The following IGF1R variants were observed in gnomAD, a reference collection of about 807,000 sequenced individuals.
The protein encoded by IGF1R is insulin-like growth factor 1 receptor.
Under a neutral mutation model 144.6 loss-of-function variants are expected in IGF1R, and 44 were observed. That is an observed-to-expected ratio of 0.30 (90% CI 0.24 to 0.39). IGF1R has a LOEUF of 0.39. IGF1R is among the 10% of genes least tolerant of loss of function. IGF1R has a pLI of 1.00. For synonymous variants in IGF1R, 795 were observed against 722.8 expected, an observed-to-expected ratio of 1.10 and a Z score of -1.60; for missense variants, 1,355 against 1,833.7, an observed-to-expected ratio of 0.74 and a Z score of 4.77.
intron 20 of IGF1R, among the ~76,000 whole-genome samples, chr15:98,949,677 C>T (rs1567218443): frequency 6.6e-6 from 1 of 152,138 alleles, no homozygotes; most frequent in Non-Finnish European, 1.5e-5. Flanking sequence ...GGCAACCCCA[C>T]TTATTTTGAA....
chr15:98,852,918 G>T (rs1381928538), intron 2 of IGF1R, among the ~76,000 whole-genome samples: 4 of 152,154 alleles, frequency 2.6e-5, no homozygotes, highest in Admixed American at 6.5e-5. Flanking sequence ...CTGTTCTCAG[G>T]CTTGTTTTCC....
Position 98,816,060 on chromosome 15 carries a change from A to G in IGF1R, c.641-75265A>G, listed in dbSNP as rs75302098. Among the ~76,000 whole-genome samples, 484 of 152,248 alleles carry G rather than the reference A, an allele frequency of 3.2e-3. 3 individuals are homozygous for G. Among genetic ancestry groups the G allele is most frequent in the African/African-American group, 0.011 (461 of 41,562 alleles). On this transcript the variant is annotated intron_variant, in intron 2 of 20. Coordinates refer to ENST00000650285, the MANE Select transcript of IGF1R (RefSeq NM_000875.5). ...CTCCTTTGACACCAGCCATTTTGTG[A>G]TCTGCCCTTTCAGGCCACCCCAGCC...
chr15:98,888,918 C>T (rs1483711619), intron 2 of IGF1R, among the ~76,000 whole-genome samples: 3 of 152,182 alleles, frequency 2.0e-5, no homozygotes, highest in African/African-American at 4.8e-5. Flanking sequence ...CTTGATGTTT[C>T]GCCTTGTGGT....
intron 19 of IGF1R, among the ~76,000 whole-genome samples, chr15:98,946,629 G>A (rs113836622): frequency 0.018 from 2,743 of 152,282 alleles, 111 homozygotes; most frequent in African/African-American, 0.063. Flanking sequence ...CAGGCAGACT[G>A]CTCGGGTGGA....
chr15:98,650,923 C>CA, intron 1 of IGF1R: 1 of 985,118 alleles, frequency 1.0e-6, no homozygotes, highest in Non-Finnish European at 1.2e-6. Context: ...GGAGCGAGAA[C>CA]TCCCCCCGGT....
intron 2 of IGF1R, among the ~76,000 whole-genome samples, chr15:98,798,814 T>TG (rs1053546731): frequency 2.0e-5 from 3 of 152,104 alleles, no homozygotes; most frequent in African/African-American, 7.2e-5. Flanking sequence ...AGAGCTTATA[T>TG]GGGGGGTGAG....
rs995287825 is a variant in IGF1R, at chr15:98,922,245, G to A, written c.2299G>A (p.Asp767Asn). ...TTAADTYNITDPEELETEYPF... is the reference protein window; with the variant it reads ...TTAADTYNITNPEELETEYPF... ...GGCCGCAGACACCTACAACATCACC[G>A]ACCCGGAAGAGCTGGAGACAGAGTA... The change falls in exon 11 of 21, where the codon GAC (aspartate) becomes AAC (asparagine). Residue 767 changes from aspartate to asparagine, a missense_variant. Around this residue, in one of 7 missense-constraint regions of IGF1R, gnomAD observed 880 missense variants for 1,202.7 expected, o/e 0.73. Transcript: ENST00000650285. The A allele has an allele frequency of 3.7e-6, 6 of 1,614,184 alleles. No individual in the cohort carries two copies. Among genetic ancestry groups the A allele is most frequent in the Non-Finnish European group, 4.2e-6 (5 of 1,180,034 alleles).
chr15:98,917,071 G>A (rs938608305), intron 10 of IGF1R, 195 bp downstream of exon 10: 1 of 663,908 alleles, frequency 1.5e-6, no homozygotes, highest in Non-Finnish European at 2.7e-6. Flanking sequence ...GAAGGGAACA[G>A]GGACCAGGGC....
chr15:98,857,643 G>C (rs907607953), intron 2 of IGF1R, among the ~76,000 whole-genome samples: 2 of 152,212 alleles, frequency 1.3e-5, no homozygotes, highest in African/African-American at 2.4e-5. Context: ...TCCAGTACAG[G>C]AGCCGCTAGC....
intron 2 of IGF1R, among the ~76,000 whole-genome samples, chr15:98,761,746 G>T (rs2048640): frequency 2.0e-5 from 3 of 152,204 alleles, no homozygotes; most frequent in Non-Finnish European, 4.4e-5. Flanking sequence ...GCCTCTGTAA[G>T]TATCTCCATA....
chr15:98,872,906 G>T (rs2012861405), intron 2 of IGF1R, among the ~76,000 whole-genome samples: 1 of 151,520 alleles, frequency 6.6e-6, no homozygotes, highest in African/African-American at 2.4e-5. Context: ...AGCCAGGCTG[G>T]CATATAAATG....
chr15:98,853,090 C>G (rs899293092), intron 2 of IGF1R, among the ~76,000 whole-genome samples: 1 of 152,136 alleles, frequency 6.6e-6, no homozygotes, highest in Non-Finnish European at 1.5e-5. Flanking sequence ...GGGTGGTTTT[C>G]TCGTTATTGT....
rs1338803939 is a variant in IGF1R, at chr15:98,896,943, C to T, written c.1102+38C>T. Reference sequence around the variant, plus strand: ...TCCCCCTGGAAAAACGGCTAGATCTCATGGTTTTCTTTTGTTGATGCTTTT... The same window carrying T: ...TCCCCCTGGAAAAACGGCTAGATCTTATGGTTTTCTTTTGTTGATGCTTTT... On this transcript the variant is annotated intron_variant, in intron 4 of 20. Transcript: ENST00000650285. 6.2e-6 allele frequency: 10 copies of T among 1,607,432 alleles called. No individual in the cohort carries two copies. In the East Asian group the frequency reaches 6.7e-5, roughly 11 times the overall value.
At chr15:98,866,012 C>T (rs34434082) in intron 2 of IGF1R, among the ~76,000 whole-genome samples, 2,718 of 152,262 alleles carry the variant, frequency 0.018, 31 homozygotes, top group Non-Finnish European at 0.029. Flanking sequence ...GCCCGTCACC[C>T]GGATGGGTTG....
intron 5 of IGF1R, among the ~76,000 whole-genome samples, chr15:98,900,963 G>A (rs911457369): frequency 6.6e-6 from 1 of 152,110 alleles, no homozygotes; most frequent in African/African-American, 2.4e-5. Flanking sequence ...ACATAGAGGT[G>A]AATGCTGAGA....
At chr15:98,905,875 A>G (rs1005847153) in intron 5 of IGF1R, among the ~76,000 whole-genome samples, 8 of 152,308 alleles carry the variant, frequency 5.3e-5, no homozygotes, top group Middle Eastern at 3.4e-3. Context: ...TCACCTAATC[A>G]TGGAAGGAAT....
intron 1 of IGF1R, among the ~76,000 whole-genome samples, chr15:98,652,724 A>G (rs1401764147): frequency 1.3e-5 from 2 of 152,200 alleles, no homozygotes; most frequent in African/African-American, 2.4e-5. Context: ...CCATAGAGGC[A>G]GAAGGTAGAT....
At position 98,784,124 on chromosome 15, in the gene IGF1R, G is replaced by C. The variant is rs544618948; in HGVS notation, c.640+76017G>C. Among the ~76,000 whole-genome samples the C allele has an allele frequency of 1.5e-3, 224 of 151,922 alleles. 2 individuals are homozygous for C. The highest frequency in any genetic ancestry group is 0.014 in the Middle Eastern group (4 of 292). ...CAAGTAGCTGGGATTGCAGGCACCC[G>C]CAACCACACCCGGGTAATTTTTGTA... On this transcript the variant is annotated intron_variant, in intron 2 of 20. Coordinates refer to ENST00000650285, the MANE Select transcript of IGF1R (RefSeq NM_000875.5).
At chr15:98,917,131 A>AC (rs909450941) in intron 10 of IGF1R, among the ~76,000 whole-genome samples, 1 of 152,048 alleles carries the variant, frequency 6.6e-6, no homozygotes, top group African/African-American at 2.4e-5. Context: ...CTCAGCCACA[A>AC]CCCCCCACAG....
Sources: allele counts gnomAD v4.1 joint callset (sites outside exome capture counted in the v4.1 genomes callset), GRCh38; gene constraint gnomAD v4.1.1; regional missense constraint gnomAD v4.1.1; transcripts MANE v1.5; gene names NCBI Gene and HGNC (gene_info 2026-07-23, HGNC 2026-07-21).